The following TMEM26 variants were observed in gnomAD, a reference collection of about 807,000 sequenced individuals.
The protein encoded by TMEM26 is transmembrane protein 26.
TMEM26 carries 38 observed loss-of-function variants against 28.8 expected under a neutral mutation model. The ratio of observed to expected loss-of-function variants is 1.32; its 90% confidence interval spans 1.02 to 1.73. TMEM26 has a LOEUF of 1.73. TMEM26 is among the 40% of genes most tolerant of loss of function. The pLI is 0.00. For missense variants in TMEM26, 518 were observed against 447.1 expected, an observed-to-expected ratio of 1.16 and a Z score of -1.43; for synonymous variants, 227 against 182.9, an observed-to-expected ratio of 1.24 and a Z score of -1.95.
chr10:61,451,577 A>G (rs751695874), intron 1 of TMEM26, among the ~76,000 whole-genome samples: 11 of 152,182 alleles, frequency 7.2e-5, no homozygotes, highest in Non-Finnish European at 1.2e-4. Flanking sequence ...TTGGGAAACT[A>G]ACACCATTTT....
intron 1 of TMEM26, among the ~76,000 whole-genome samples, chr10:61,444,127 T>A (rs1840139571): frequency 1.3e-5 from 2 of 152,174 alleles, no homozygotes; most frequent in South Asian, 4.1e-4. Flanking sequence ...ACCTTACTGA[T>A]TGTATCTTGA....
At chr10:61,440,612 T>C (rs1327519241) in intron 1 of TMEM26, among the ~76,000 whole-genome samples, 1 of 152,056 alleles carries the variant, frequency 6.6e-6, no homozygotes, top group Non-Finnish European at 1.5e-5. Flanking sequence ...ACTTTTAACC[T>C]GATTATTTCA....
Position 61,409,150 on chromosome 10 carries a change from C to T in TMEM26, c.*1172G>A, listed in dbSNP as rs1320320187. The T allele has an allele frequency of 6.6e-6, 1 of 152,186 alleles. No individual in the cohort carries two copies. The highest frequency in any genetic ancestry group is 1.5e-5 in the Non-Finnish European group (1 of 68,026). The allele number at this position is 152,186 out of a possible 1,614,324, so 9.4% of individuals were successfully genotyped here. On this transcript the variant is annotated 3_prime_UTR_variant, in exon 6 of 6. Coordinates refer to ENST00000399298, the MANE Select transcript of TMEM26 (RefSeq NM_178505.8). ...AAGGCAAAAATCACTTTAAAAGGTT[C>T]TGAATCACCTCCATCTGGAAAGTAT...
intron 1 of TMEM26, among the ~76,000 whole-genome samples, chr10:61,450,509 C>CA (rs1361471660): frequency 1.3e-5 from 2 of 152,124 alleles, no homozygotes; most frequent in African/African-American, 2.4e-5. Flanking sequence ...TTTTCCACCA[C>CA]AAAAATGAGC....
intron 4 of TMEM26, among the ~76,000 whole-genome samples, chr10:61,422,463 A>G (rs1839765555): frequency 6.6e-6 from 1 of 152,156 alleles, no homozygotes; most frequent in Non-Finnish European, 1.5e-5. Flanking sequence ...GATCCTCAGA[A>G]GAAAATAGAA....
At chr10:61,419,100 GACT>G (rs1241483379) in intron 4 of TMEM26, among the ~76,000 whole-genome samples, 1 of 152,076 alleles carries the variant, frequency 6.6e-6, no homozygotes, top group Non-Finnish European at 1.5e-5. Flanking sequence ...AGACATCAGT[GACT>G]ACAACCCAAG....
intron 4 of TMEM26, among the ~76,000 whole-genome samples, chr10:61,418,625 A>T (rs1839692777): frequency 1.3e-5 from 2 of 152,138 alleles, no homozygotes; most frequent in Non-Finnish European, 2.9e-5. Context: ...ACAGCTTTGG[A>T]GTGGAGTATG....
chr10:61,417,376 T>G (rs780912406), intron 4 of TMEM26, among the ~76,000 whole-genome samples: 8 of 151,880 alleles, frequency 5.3e-5, no homozygotes, highest in Non-Finnish European at 1.2e-4. Context: ...AAATAAAAAG[T>G]CATATTTTGC....
intron 4 of TMEM26, chr10:61,414,356 G>T (rs1839616833): frequency 6.6e-6 from 1 of 152,088 alleles, no homozygotes; most frequent in African/African-American, 2.4e-5. Context: ...CATAATAATA[G>T]ATTTTGTTTC....
At chr10:61,416,075 C>T (rs113818246) in intron 4 of TMEM26, 129 of 448,840 alleles carry the variant, frequency 2.9e-4, no homozygotes, top group African/African-American at 2.4e-3. Context: ...GAACAAGTTG[C>T]CACTTGGGGT....
chr10:61,411,140 C>T (rs1839563466), intron 5 of TMEM26, among the ~76,000 whole-genome samples: 1 of 152,160 alleles, frequency 6.6e-6, no homozygotes, highest in African/African-American at 2.4e-5. Context: ...AAGGAAGCCT[C>T]ACAGTTGCAT....
chr10:61,452,753 C>T, intron 1 of TMEM26, 138 bp downstream of exon 1: 1 of 1,128,176 alleles, frequency 8.9e-7, no homozygotes, highest in Non-Finnish European at 1.3e-6. Context: ...GCATCTCGCG[C>T]CTTCCAAGCG....
chr10:61,447,522 G>A (rs542005353), intron 1 of TMEM26, among the ~76,000 whole-genome samples: 2 of 152,112 alleles, frequency 1.3e-5, no homozygotes, highest in Non-Finnish European at 2.9e-5. Context: ...TTCCTAACTT[G>A]TCTTTTCTGT....
rs145413227 is a variant in TMEM26, at chr10:61,417,781, G to A, written c.606-4246C>T. ...TGATCTCCAAAGGTGTGAATGGCCA[G>A]GGAACTCTCCGTGGCAATGATGTTG... On this transcript the variant is annotated intron_variant, in intron 4 of 5. Coordinates refer to ENST00000399298, the MANE Select transcript of TMEM26 (RefSeq NM_178505.8). Among the ~76,000 whole-genome samples the A allele has an allele frequency of 5.0e-4, 76 of 152,096 alleles. 1 individual carries two copies. Among genetic ancestry groups the A allele is most frequent in the African/African-American group, 1.8e-3 (73 of 41,522 alleles).
intron 1 of TMEM26, among the ~76,000 whole-genome samples, chr10:61,449,565 G>T (rs1840242538): frequency 6.6e-6 from 1 of 152,188 alleles, no homozygotes; most frequent in Non-Finnish European, 1.5e-5. Context: ...AATTTCTGTA[G>T]ATTGGACTCG....
At chr10:61,420,094 C>T (rs951115805) in intron 4 of TMEM26, among the ~76,000 whole-genome samples, 3 of 151,622 alleles carry the variant, frequency 2.0e-5, no homozygotes, top group African/African-American at 4.9e-5. Flanking sequence ...GACTGGAAGT[C>T]GTATCAATAA....
chr10:61,415,098 A>G (rs1045125366), intron 4 of TMEM26: 5 of 985,180 alleles, frequency 5.1e-6, no homozygotes, highest in Non-Finnish European at 6.0e-6. Flanking sequence ...TAGAACGTGG[A>G]TAGAAAACCA....
chr10:61,415,760 T>C (rs1440548375), intron 4 of TMEM26, among the ~76,000 whole-genome samples: 2 of 152,072 alleles, frequency 1.3e-5, no homozygotes, highest in African/African-American at 4.8e-5. Context: ...TGAAATATTA[T>C]GTGTGATGCT....
chr10:61,451,284 CAGGAATGTTTGACTTAATGCGAGTTA>C (rs897329753), intron 1 of TMEM26, among the ~76,000 whole-genome samples: 2 of 152,150 alleles, frequency 1.3e-5, no homozygotes, highest in African/African-American at 4.8e-5. Context: ...TTACACACAA[CAGGAATGTTTGACTTAATGCGAGTTA>C]AGGCCTCTGG....
Sources: gnomAD v4.1 joint callset for allele counts (sites outside exome capture counted in the v4.1 genomes callset) on GRCh38, gnomAD v4.1.1 for gene constraint, MANE v1.5 for transcripts, NCBI Gene and HGNC (gene_info 2026-07-23, HGNC 2026-07-21) for gene names.